The following DCAF6 variants were observed in gnomAD, a reference collection of about 807,000 sequenced individuals.
DCAF6 encodes the protein DDB1 and CUL4 associated factor 6.
DCAF6 carries 54 observed loss-of-function variants against 125.1 expected under a neutral mutation model. The ratio of observed to expected loss-of-function variants is 0.43; its 90% CI spans 0.35 to 0.54. The LOEUF is 0.54. Among genes scored for constraint, DCAF6 ranks in the 20% least tolerant of loss-of-function variants. The probability of loss-of-function intolerance (pLI) is 0.01; values close to 1 mark genes in which losing one functional copy is unlikely to be tolerated. For missense variants in DCAF6, 934 were observed against 1,161.7 expected (o/e 0.80, Z 2.85); for synonymous variants, 371 against 390.4 (o/e 0.95, Z 0.58).
chr1:167,965,184 G>A (rs10918801), intron 2 of DCAF6, among the ~76,000 whole-genome samples: 4,579 of 152,270 alleles, frequency 0.03, 239 homozygotes, highest in African/African-American at 0.1. Context: ...TAGGAGGAGA[G>A]GAAGTGTTCT....
the DCAF6 span, chr1:167,916,697 G>C: frequency 1.3e-5 from 2 of 152,200 alleles, no homozygotes; most frequent in South Asian, 4.2e-4. Flanking sequence ...GCACAGAAGA[G>C]GTTTTAATGA....
chr1:167,900,724 G>A, the DCAF6 span, among the ~76,000 whole-genome samples: 1 of 152,130 alleles, frequency 6.6e-6, no homozygotes, highest in Admixed American at 6.5e-5. Context: ...TAGAGACGGG[G>A]TTTCACCATG....
rs1343550867 is a variant in DCAF6, at chr1:167,975,092, A to ATGTGTGTACATGTACAGATG, written c.438+86_438+105dup. ...ATTAAGTACATACATGTGTAGATGC[A>ATGTGTGTACATGTACAGATG]TGTGTGTACATGTACAGATGTGTGT... On this transcript the variant is annotated intron_variant, in intron 4 of 21. Coordinates refer to ENST00000367840, the MANE Select transcript of DCAF6 (RefSeq NM_001198956.2). The ATGTGTGTACATGTACAGATG allele has an allele frequency of 8.2e-6, 7 of 848,576 alleles. No individual in the cohort carries two copies. In the Admixed American group the frequency reaches 9.1e-5, roughly 11 times the overall value. The allele number at this position is 848,576 out of a possible 1,614,324, so 52.6% of individuals were successfully genotyped here. A position where few individuals can be genotyped will look rare whatever the true frequency, so the allele number is the denominator to read the frequency against.
the DCAF6 span, among the ~76,000 whole-genome samples, chr1:167,895,626 T>C: frequency 2.0e-5 from 3 of 152,166 alleles, no homozygotes; most frequent in Admixed American, 6.5e-5. Context: ...ATTTTGTTTG[T>C]TTTTTATGAA....
the DCAF6 span, among the ~76,000 whole-genome samples, chr1:167,929,644 G>T: frequency 2.6e-5 from 4 of 152,128 alleles, no homozygotes; most frequent in Non-Finnish European, 5.9e-5. Flanking sequence ...TTATTTGAGA[G>T]AAATTACTGT....
At chr1:167,927,498 T>G in the DCAF6 span, among the ~76,000 whole-genome samples, 3 of 152,194 alleles carry the variant, frequency 2.0e-5, no homozygotes, top group South Asian at 6.2e-4. Context: ...AGTCAGTCCA[T>G]GTATTGTTTT....
At chr1:167,867,776 C>T in the DCAF6 span, among the ~76,000 whole-genome samples, 2 of 149,540 alleles carry the variant, frequency 1.3e-5, no homozygotes, top group African/African-American at 2.5e-5. Flanking sequence ...GTTCTTTAAA[C>T]TGAAAAAAAA....
intron 4 of DCAF6, among the ~76,000 whole-genome samples, chr1:167,976,825 T>G (rs1182686474): frequency 6.6e-6 from 1 of 150,980 alleles, no homozygotes; most frequent in African/African-American, 2.4e-5. Context: ...TTACCTTTCC[T>G]TCTTCCCATC....
Position 167,946,814 on chromosome 1 carries a change from G to C in DCAF6, c.98-4986G>C, listed in dbSNP as rs2102676419. On this transcript the variant is annotated intron_variant, in intron 1 of 21. Coordinates refer to ENST00000367840, the MANE Select transcript of DCAF6 (RefSeq NM_001198956.2). ...TTTTTGCATTTGTGTTCATTAATCTGTAGTTTTCTTTTTATTCTGTATCCT... is the reference window on the plus strand; with the variant it reads ...TTTTTGCATTTGTGTTCATTAATCTCTAGTTTTCTTTTTATTCTGTATCCT... 2.0e-5 allele frequency among the ~76,000 whole-genome samples: 3 copies of C among 152,102 alleles called. No individual in the cohort carries two copies. In the South Asian group the frequency reaches 6.2e-4, roughly 32 times the overall value.
intron 1 of DCAF6, among the ~76,000 whole-genome samples, chr1:167,945,319 G>A (rs1017569536): frequency 3.9e-5 from 6 of 152,000 alleles, no homozygotes; most frequent in Non-Finnish European, 8.8e-5. Flanking sequence ...GTACAGTATG[G>A]TCATTTTAAT....
intron 18 of DCAF6, 149 bp from the exon 19 acceptor site, chr1:168,065,441 C>G: frequency 1.5e-6 from 1 of 686,314 alleles, no homozygotes; most frequent in African/African-American, 1.8e-5. Context: ...AGCCACTGCG[C>G]CCAGCATCAA....
chr1:167,870,523 T>C, the DCAF6 span: 1 of 946,050 alleles, frequency 1.1e-6, no homozygotes, highest in Non-Finnish European at 1.6e-6. Flanking sequence ...CCAGGCGCTG[T>C]GGCTCACTCC....
In DCAF6 at chr1:168,005,867, C is replaced by T. The variant is rs112195940; in HGVS notation, c.1378+1074C>T. 2.9e-3 allele frequency among the ~76,000 whole-genome samples: 448 copies of T among 152,186 alleles called. 1 individual carries two copies. Among genetic ancestry groups the T allele is most frequent in the African/African-American group, 0.01 (426 of 41,556 alleles). ...TATACATTTTATCCATAATAATAAG[C>T]TAAAGCTGAGCTACAGAATCAAGGT... On this transcript the variant is annotated intron_variant, in intron 10 of 21. Transcript: ENST00000367840.
At chr1:167,870,839 G>A in the DCAF6 span, among the ~76,000 whole-genome samples, 1 of 151,496 alleles carries the variant, frequency 6.6e-6, no homozygotes, top group East Asian at 1.9e-4. Context: ...AATTTCCATG[G>A]CATTGTTCAC....
chr1:168,061,129 T>A (rs993937245), intron 17 of DCAF6, among the ~76,000 whole-genome samples: 3 of 152,208 alleles, frequency 2.0e-5, no homozygotes, highest in Non-Finnish European at 4.4e-5. Flanking sequence ...TCGAGAATAT[T>A]TGACCTCTCT....
At chr1:168,009,298 A>G (rs1199559390) in intron 10 of DCAF6, among the ~76,000 whole-genome samples, 2 of 149,432 alleles carry the variant, frequency 1.3e-5, no homozygotes, top group Non-Finnish European at 3.0e-5. Flanking sequence ...GTGCCCTGCC[A>G]TTTTCTTTTC....
chr1:167,896,816 A>C, the DCAF6 span: 3 of 692,566 alleles, frequency 4.3e-6, no homozygotes, highest in Non-Finnish European at 7.7e-6. Flanking sequence ...TTAAACACCA[A>C]GACTATTTGA....
At chr1:167,935,129 C>A (rs1671058810), upstream of DCAF6, among the ~76,000 whole-genome samples, 1 of 152,110 alleles carries the variant, frequency 6.6e-6, no homozygotes. Flanking sequence ...CAGGTCTGTC[C>A]ACACAAAAAG....
intron 17 of DCAF6, among the ~76,000 whole-genome samples, chr1:168,063,418 T>C (rs1572156164): frequency 6.6e-6 from 1 of 152,200 alleles, no homozygotes; most frequent in East Asian, 1.9e-4. Context: ...AAGTGATCTC[T>C]TAACTAAAAT....
Sources: allele counts gnomAD v4.1 joint callset (sites outside exome capture counted in the v4.1 genomes callset), GRCh38; gene constraint gnomAD v4.1.1; transcripts MANE v1.5; gene names NCBI Gene and HGNC (gene_info 2026-07-23, HGNC 2026-07-21).